KCNH8: variants seen among roughly 807,000 people sequenced by gnomAD.
The protein encoded by KCNH8 is potassium voltage-gated channel subfamily H member 8.
Under a neutral mutation model 103.6 loss-of-function variants are expected in KCNH8, and 70 were observed. The ratio of observed to expected loss-of-function variants is 0.68; its 90% CI spans 0.56 to 0.82. The LOEUF (loss-of-function observed/expected upper bound fraction) is 0.82. Among genes scored for constraint, KCNH8 ranks in the 40% least tolerant of loss-of-function variants. KCNH8 has a pLI of 0.00. For synonymous variants in KCNH8, 498 were observed against 489.4 expected, an observed-to-expected ratio of 1.02 and a Z score of -0.23; for missense variants, 1,217 against 1,329.9, an observed-to-expected ratio of 0.92 and a Z score of 1.32.
intron 1 of KCNH8, among the ~76,000 whole-genome samples, chr3:19,172,792 T>C (rs2063360495): frequency 6.6e-6 from 1 of 152,200 alleles, no homozygotes; most frequent in Non-Finnish European, 1.5e-5. Flanking sequence ...TTCAAGCTCT[T>C]ATCTACCTTG....
chr3:19,160,751 A>G (rs2063225928), intron 1 of KCNH8, among the ~76,000 whole-genome samples: 1 of 152,016 alleles, frequency 6.6e-6, no homozygotes, highest in South Asian at 2.1e-4. Context: ...ACTCCATCCC[A>G]CCCAGGATGT....
intron 2 of KCNH8, among the ~76,000 whole-genome samples, chr3:19,259,540 T>C (rs2064400020): frequency 1.3e-5 from 2 of 151,832 alleles, no homozygotes; most frequent in Admixed American, 1.3e-4. Context: ...GTCTAAATGT[T>C]ATGTCATGAA....
intron 11 of KCNH8, among the ~76,000 whole-genome samples, chr3:19,459,185 A>G (rs908932711): frequency 1.3e-5 from 2 of 152,006 alleles, no homozygotes; most frequent in Admixed American, 1.3e-4. Context: ...ACTGTTTTCC[A>G]TAGTGGCTAT....
chr3:19,364,697 C>G (rs983984795), intron 5 of KCNH8, among the ~76,000 whole-genome samples: 46 of 151,976 alleles, frequency 3.0e-4, no homozygotes, highest in Non-Finnish European at 1.0e-4. Context: ...TGGGAAAAGA[C>G]CGTGCATTGA....
At chr3:19,532,795 C>G (rs934893974) in intron 15 of KCNH8, among the ~76,000 whole-genome samples, 8 of 152,192 alleles carry the variant, frequency 5.3e-5, no homozygotes, top group Non-Finnish European at 1.0e-4. Flanking sequence ...ACTTATGCCC[C>G]TCTAGGCTCT....
intron 6 of KCNH8, among the ~76,000 whole-genome samples, chr3:19,391,924 T>TA (rs1257969869): frequency 6.6e-6 from 1 of 151,918 alleles, no homozygotes; most frequent in African/African-American, 2.4e-5. Context: ...CACAAAAGGT[T>TA]AAAAAAATTT....
intron 15 of KCNH8, among the ~76,000 whole-genome samples, chr3:19,522,848 AT>A (rs2068996651): frequency 1.3e-5 from 2 of 151,902 alleles, no homozygotes; most frequent in African/African-American, 4.8e-5. Flanking sequence ...ATAGCAAAAG[AT>A]GTCATGGTTT....
chr3:19,499,755 C>G (rs1196499810), intron 11 of KCNH8, among the ~76,000 whole-genome samples: 1 of 152,004 alleles, frequency 6.6e-6, no homozygotes, highest in African/African-American at 2.4e-5. Context: ...TTTTTGTCAC[C>G]ACCAGGCCTG....
At chr3:19,295,010 C>T (rs931006460) in intron 3 of KCNH8, among the ~76,000 whole-genome samples, 1 of 152,070 alleles carries the variant, frequency 6.6e-6, no homozygotes, top group Non-Finnish European at 1.5e-5. Context: ...ATTAAAACAT[C>T]ATTTTTGCCC....
chr3:19,467,152 T>C (rs1402091995), intron 11 of KCNH8, among the ~76,000 whole-genome samples: 1 of 152,194 alleles, frequency 6.6e-6, no homozygotes, highest in Non-Finnish European at 1.5e-5. Flanking sequence ...GAGGTATGCC[T>C]GTATCATAAC....
chr3:19,163,835 A>G (rs2125188173), intron 1 of KCNH8, among the ~76,000 whole-genome samples: 1 of 152,314 alleles, frequency 6.6e-6, no homozygotes, highest in Non-Finnish European at 1.5e-5. Context: ...CATTTAATGA[A>G]TAGTAAATCT....
intron 7 of KCNH8, among the ~76,000 whole-genome samples, chr3:19,407,529 T>A (rs1198468558): frequency 6.6e-6 from 1 of 151,634 alleles, no homozygotes; most frequent in Non-Finnish European, 1.5e-5. Flanking sequence ...TGTGAAGAGA[T>A]CTTGAGGTGA....
At chr3:19,249,448 C>T (rs11918475) in intron 1 of KCNH8, among the ~76,000 whole-genome samples, 5,917 of 152,228 alleles carry the variant, frequency 0.039, 410 homozygotes, top group African/African-American at 0.13. Flanking sequence ...AGACCAAATA[C>T]GTGCCTTTAT....
chr3:19,416,091 A>T (rs2066859486), intron 7 of KCNH8, among the ~76,000 whole-genome samples: 1 of 152,060 alleles, frequency 6.6e-6, no homozygotes, highest in Admixed American at 6.6e-5. Flanking sequence ...TTAAATTATC[A>T]TCTAAATTAT....
chr3:19,494,736 T>C (rs962785286), intron 11 of KCNH8, among the ~76,000 whole-genome samples: 3 of 152,180 alleles, frequency 2.0e-5, no homozygotes, highest in African/African-American at 7.2e-5. Flanking sequence ...GATTGCTGGA[T>C]CAAATGGTAG....
chr3:19,331,538 G>A (rs541162318), intron 3 of KCNH8, among the ~76,000 whole-genome samples: 4 of 151,914 alleles, frequency 2.6e-5, no homozygotes, highest in African/African-American at 4.8e-5. Flanking sequence ...TGATCTGCCC[G>A]CCTCGGCCTC....
chr3:19,244,759 T>C (rs1305462271), intron 1 of KCNH8, among the ~76,000 whole-genome samples: 1 of 152,210 alleles, frequency 6.6e-6, no homozygotes, highest in East Asian at 1.9e-4. Context: ...ATTGGCCACT[T>C]GCATGTCTTC....
At chr3:19,449,630 A>T (rs1446489985) in intron 8 of KCNH8, among the ~76,000 whole-genome samples, 1 of 152,090 alleles carries the variant, frequency 6.6e-6, no homozygotes, top group African/African-American at 2.4e-5. Flanking sequence ...TAACTAATTA[A>T]AATAGACTTA....
intron 3 of KCNH8, among the ~76,000 whole-genome samples, chr3:19,333,058 A>G (rs929384986): frequency 6.6e-6 from 1 of 152,120 alleles, no homozygotes; most frequent in Admixed American, 6.6e-5. Context: ...GATATCTCAT[A>G]TGGTGTCTAT....
Sources: allele counts gnomAD v4.1 joint callset (sites outside exome capture counted in the v4.1 genomes callset), GRCh38; gene constraint gnomAD v4.1.1; transcripts MANE v1.5; gene names NCBI Gene and HGNC (gene_info 2026-07-23, HGNC 2026-07-21).